RAB28: variants seen among roughly 807,000 people sequenced by gnomAD.
RAB28 encodes ras-related protein Rab-28.
Under a neutral mutation model 31.7 loss-of-function variants are expected in RAB28, and 24 were observed. The observed-to-expected ratio is 0.76, with a 90% CI of 0.55 to 1.06. The LOEUF (loss-of-function observed/expected upper bound fraction) is 1.06. Among genes scored for constraint, RAB28 ranks in the 50% least tolerant of loss-of-function variants. The pLI is 0.00. For synonymous variants in RAB28, 100 were observed against 90.4 expected, an observed-to-expected ratio of 1.11 and a Z score of -0.60; for missense variants, 254 against 258.5, an observed-to-expected ratio of 0.98 and a Z score of 0.12.
intron 6 of RAB28, chr4:13,370,871 T>C: frequency 2.1e-6 from 2 of 956,196 alleles, no homozygotes; most frequent in South Asian, 4.8e-5. Flanking sequence ...TATTTTTACC[T>C]TGTTATATTC....
chr4:13,477,939 GTTTA>G (rs1443893389), intron 2 of RAB28, among the ~76,000 whole-genome samples: 1 of 151,502 alleles, frequency 6.6e-6, no homozygotes, highest in Non-Finnish European at 1.5e-5. Flanking sequence ...GTAGGTACTT[GTTTA>G]TTTAAGCTTT....
At chr4:13,381,398 T>C in intron 5 of RAB28, 93 bp downstream of exon 5, 1 of 851,794 alleles carries the variant, frequency 1.2e-6, no homozygotes. Flanking sequence ...AGGAATTAAT[T>C]TGCTCCAAAA....
intron 4 of RAB28, among the ~76,000 whole-genome samples, chr4:13,404,545 A>T (rs1197347856): frequency 1.3e-5 from 2 of 152,168 alleles, no homozygotes; most frequent in Non-Finnish European, 2.9e-5. Flanking sequence ...AAAATATAGA[A>T]TAATGATCAG....
At chr4:13,448,372 C>T (rs974725153) in intron 4 of RAB28, among the ~76,000 whole-genome samples, 16 of 151,924 alleles carry the variant, frequency 1.1e-4, no homozygotes, top group Admixed American at 1.3e-4. Context: ...TAAATCTTCT[C>T]TATTATGACA....
intron 4 of RAB28, among the ~76,000 whole-genome samples, chr4:13,454,599 A>C (rs908128060): frequency 1.3e-5 from 2 of 152,166 alleles, no homozygotes; most frequent in Non-Finnish European, 2.9e-5. Context: ...GTTGTAATCC[A>C]CATTCATGAC....
intron 6 of RAB28, chr4:13,370,156 GAAAGA>G (rs1728667400): frequency 7.1e-6 from 7 of 979,242 alleles, no homozygotes; most frequent in African/African-American, 3.5e-5. Context: ...CATACAAAAG[GAAAGA>G]AAAGGAAAGG....
rs567282188 is a variant in RAB28 at position 13,368,503 on chromosome 4, G to A, written c.*55C>T. ...TAAAACAAGTTCCTAGAAGTCCTCG[G>A]GCCCACCCAGAGGTGAAGGGCAGCC... is the stretch of plus-strand genomic sequence containing the variant. On this transcript the variant is annotated 3_prime_UTR_variant, in exon 7 of 7. Transcript: ENST00000330852. 1.7e-5 allele frequency: 27 copies of A among 1,558,920 alleles called. No individual in the cohort carries two copies. Among genetic ancestry groups the A allele is most frequent in the Non-Finnish European group, 1.7e-5 (20 of 1,157,770 alleles).
intron 4 of RAB28, among the ~76,000 whole-genome samples, chr4:13,420,541 T>C (rs1713069815): frequency 6.6e-6 from 1 of 151,802 alleles, no homozygotes; most frequent in Admixed American, 6.6e-5. Context: ...CAGCAGCACA[T>C]CAAAAAGCTT....
At chr4:13,419,850 G>C (rs1233808782) in intron 4 of RAB28, among the ~76,000 whole-genome samples, 1 of 151,944 alleles carries the variant, frequency 6.6e-6, no homozygotes, top group East Asian at 1.9e-4. Flanking sequence ...AACTAGAGAA[G>C]CAAGAGCAAA....
chr4:13,371,379 TG>T, intron 6 of RAB28: 6 of 985,304 alleles, frequency 6.1e-6, no homozygotes, highest in Non-Finnish European at 7.2e-6. Context: ...TGGGTTACAA[TG>T]AAGAGATGGG....
intron 4 of RAB28, among the ~76,000 whole-genome samples, chr4:13,405,532 C>G (rs917942330): frequency 1.3e-5 from 2 of 152,088 alleles, no homozygotes; most frequent in Admixed American, 6.5e-5. Flanking sequence ...TCACTGACTA[C>G]AAGATTAAAA....
chr4:13,370,735 T>C (rs918300497), intron 6 of RAB28: 4 of 984,754 alleles, frequency 4.1e-6, no homozygotes, highest in African/African-American at 1.8e-5. Context: ...CCAAATTCCA[T>C]ACAGAAACAA....
At chr4:13,423,910 T>C (rs1188275858) in intron 4 of RAB28, among the ~76,000 whole-genome samples, 1 of 152,104 alleles carries the variant, frequency 6.6e-6, no homozygotes, top group African/African-American at 2.4e-5. Flanking sequence ...CAACCAGCTT[T>C]TTGAAAACCT....
At position 13,460,018 on chromosome 4, in the gene RAB28, A is replaced by G. The variant is rs1297310660; in HGVS notation, c.391+681T>C. On this transcript the variant is annotated intron_variant, in intron 4 of 6. Coordinates refer to ENST00000330852, the MANE Select transcript of RAB28 (RefSeq NM_001017979.3). ...GAGCAGTTATAATAGACCACGCATC[A>G]AAACAGTTATTGAAAAGATTGTACA... 6 of 689,542 alleles carry G rather than the reference A, an allele frequency of 8.7e-6. No individual in the cohort carries two copies. The East Asian group carries it at 3.5e-4, about 40-fold the overall frequency. 42.7% of individuals were successfully genotyped at this position (689,542 alleles called of 1,614,324 possible). A position where few individuals can be genotyped will look rare whatever the true frequency, so the allele number is the denominator to read the frequency against.
At chr4:13,384,149 G>C (rs1436996021) in intron 4 of RAB28, among the ~76,000 whole-genome samples, 1 of 152,112 alleles carries the variant, frequency 6.6e-6, no homozygotes, top group Non-Finnish European at 1.5e-5. Context: ...GAGAACAATG[G>C]ACCTCCCCTA....
At chr4:13,423,356 T>C (rs896328862) in intron 4 of RAB28, among the ~76,000 whole-genome samples, 6 of 151,422 alleles carry the variant, frequency 4.0e-5, no homozygotes, top group Non-Finnish European at 8.8e-5. Flanking sequence ...GCCAACAGAG[T>C]GAAACCCCGT....
rs1036510370 is a variant in RAB28, at chr4:13,382,591, C to CT, written c.392-998dup. On this transcript the variant is annotated intron_variant, in intron 4 of 6. Coordinates refer to ENST00000330852, the MANE Select transcript of RAB28 (RefSeq NM_001017979.3). ...CTTTATTTAAAATTATATTGAAAGTCTTTAGTTTGTAGGCTCAAGGGTTCT... is the reference window on the plus strand; with the variant it reads ...CTTTATTTAAAATTATATTGAAAGTCTTTTAGTTTGTAGGCTCAAGGGTTCT... 2.0e-5 allele frequency among the ~76,000 whole-genome samples: 3 copies of CT among 149,468 alleles called. No individual in the cohort carries two copies. The Admixed American group carries it at 2.0e-4, about 10-fold the overall frequency.
rs1202718803 is a variant in RAB28, at chr4:13,368,147, G to C, written c.*411C>G. On this transcript the variant is annotated 3_prime_UTR_variant, in exon 7 of 7. Transcript: ENST00000330852. The stretch of plus-strand genomic sequence containing the variant: ...ACTTGCTTAATGTTTGCACTCTGAA[G>C]TATACTTTGACACATACAAGTTCCG... The C allele has an allele frequency of 1.2e-5, 12 of 985,846 alleles. No individual in the cohort carries two copies. 61.1% of individuals were successfully genotyped at this position (985,846 alleles called of 1,614,324 possible).
rs1172219299 is a variant in RAB28, at chr4:13,376,567, T to C, written c.551A>G (p.Lys184Arg). Residue 184 changes from lysine to arginine, a missense_variant, in exon 6 of 7, where the codon AAA (lysine) becomes AGA (arginine). Physicochemically the swap from Lys to Arg is conservative, Grantham distance 26. Coordinates refer to ENST00000330852, the MANE Select transcript of RAB28 (RefSeq NM_001017979.3). ...AAEILGIKLNKAEIEQSQRVV... is the reference protein window; with the variant it reads ...AAEILGIKLNRAEIEQSQRVV... ...CACCTGTGACTGTTCTATTTCTGCT[T>C]TGTTTAATTTGATCCCAAGGATTTC... The C allele has an allele frequency of 1.2e-6, 2 of 1,603,394 alleles. No individual in the cohort carries two copies. The highest frequency in any genetic ancestry group is 4.5e-5 in the East Asian group (2 of 44,426).
Sources: gnomAD v4.1 joint callset for allele counts (sites outside exome capture counted in the v4.1 genomes callset) on GRCh38, gnomAD v4.1.1 for gene constraint, MANE v1.5 for transcripts, NCBI Gene and HGNC (gene_info 2026-07-23, HGNC 2026-07-21) for gene names.